PCSK2: variants seen among roughly 807,000 people sequenced by gnomAD.
PCSK2 encodes proprotein convertase subtilisin/kexin type 2, also known as neuroendocrine convertase 2.
A neutral mutation model predicts 69.7 loss-of-function variants in PCSK2; 14 were observed. The ratio of observed to expected loss-of-function variants is 0.20; its 90% CI spans 0.13 to 0.31. The LOEUF is 0.31. Ranked by LOEUF, PCSK2 falls within the 10% of genes least tolerant of loss-of-function variation. The pLI, the probability that PCSK2 is intolerant of heterozygous loss-of-function variation, is 1.00. For missense variants in PCSK2, 544 were observed against 842.5 expected, an observed-to-expected ratio of 0.65 and a Z score of 4.39; for synonymous variants, 307 against 320.7, an observed-to-expected ratio of 0.96 and a Z score of 0.46.
At chr20:17,398,837 G>C (rs1169701390) in intron 5 of PCSK2, among the ~76,000 whole-genome samples, 1 of 151,816 alleles carries the variant, frequency 6.6e-6, no homozygotes, top group Non-Finnish European at 1.5e-5. Flanking sequence ...TCAAGTATTT[G>C]TATTTCTAAA....
intron 2 of PCSK2, among the ~76,000 whole-genome samples, chr20:17,302,274 T>C (rs1479861906): frequency 6.6e-6 from 1 of 152,218 alleles, no homozygotes; most frequent in Non-Finnish European, 1.5e-5. Flanking sequence ...CCAACCCATG[T>C]CAGTTTCTAT....
chr20:17,464,633 T>C (rs1260309481), intron 10 of PCSK2: 1 of 152,286 alleles, frequency 6.6e-6, no homozygotes, highest in Non-Finnish European at 1.5e-5. Context: ...TTTTATATTT[T>C]AAACAGATGG....
intron 6 of PCSK2, among the ~76,000 whole-genome samples, chr20:17,424,102 T>C (rs775851092): frequency 6.6e-6 from 1 of 152,198 alleles, no homozygotes; most frequent in South Asian, 2.1e-4. Context: ...AGAATGTTTC[T>C]TTTCAAATTA....
intron 1 of PCSK2, among the ~76,000 whole-genome samples, chr20:17,237,345 C>T (rs543693232): frequency 5.3e-5 from 8 of 152,176 alleles, no homozygotes; most frequent in Non-Finnish European, 2.9e-5. Flanking sequence ...TGTTCACATA[C>T]ACCTCATTCA....
intron 11 of PCSK2, among the ~76,000 whole-genome samples, chr20:17,467,375 TC>T (rs2033121089): frequency 6.6e-6 from 1 of 152,144 alleles, no homozygotes; most frequent in African/African-American, 2.4e-5. Context: ...GAAAATAAAT[TC>T]ATGCTGAAAT....
At position 17,429,473 on chromosome 20, in the gene PCSK2, CCAA is replaced by C. The variant is rs772098136; in HGVS notation, c.666_668del (p.Asn223del). On this transcript the variant is annotated inframe_deletion, in exon 7 of 12. Transcript: ENST00000262545. ...TGTGCAGGAGAAGTTTCTGCTGCCGCCAACAACAATATCTGTGGAGTTGGAGTA... is the reference window on the plus strand; with the variant it reads ...TGTGCAGGAGAAGTTTCTGCTGCCGCCAACAATATCTGTGGAGTTGGAGTA... The C allele has an allele frequency of 1.9e-6, 3 of 1,613,890 alleles. No homozygotes were observed. The highest frequency in any genetic ancestry group is 1.7e-6 in the Non-Finnish European group (2 of 1,179,914).
At chr20:17,319,923 C>T (rs534214534) in intron 2 of PCSK2, among the ~76,000 whole-genome samples, 1 of 152,180 alleles carries the variant, frequency 6.6e-6, no homozygotes, top group African/African-American at 2.4e-5. Flanking sequence ...AAGGTATTGG[C>T]AAGCATCTGG....
chr20:17,393,366 G>A (rs1027676003), intron 5 of PCSK2, among the ~76,000 whole-genome samples: 3 of 151,902 alleles, frequency 2.0e-5, no homozygotes, highest in African/African-American at 7.3e-5. Context: ...AAAATTCTGA[G>A]TATTTTTCCA....
intron 5 of PCSK2, among the ~76,000 whole-genome samples, chr20:17,374,395 T>C (rs559016815): frequency 3.3e-5 from 5 of 152,120 alleles, no homozygotes; most frequent in Non-Finnish European, 7.4e-5. Context: ...TTCAAGAACA[T>C]GTGGAGTGTG....
chr20:17,386,766 T>C (rs2031245691), intron 5 of PCSK2, among the ~76,000 whole-genome samples: 5 of 152,210 alleles, frequency 3.3e-5, no homozygotes, highest in African/African-American at 2.4e-5. Flanking sequence ...GCTAAGATGA[T>C]GAATTTTATG....
chr20:17,391,906 G>GAGGAAGGAAAGAAGGAAGGA, intron 5 of PCSK2, among the ~76,000 whole-genome samples: 1 of 100,010 alleles, frequency 1.0e-5, no homozygotes, highest in African/African-American at 3.9e-5. Context: ...GAAAGAGAGA[G>GAGGAAGGAAAGAAGGAAGGA]AGGAAGGAAG....
intron 1 of PCSK2, among the ~76,000 whole-genome samples, chr20:17,232,766 G>A (rs1449028112): frequency 2.0e-5 from 3 of 152,064 alleles, no homozygotes; most frequent in Non-Finnish European, 4.4e-5. Flanking sequence ...AAGTTCTTTA[G>A]ATCAAAATTG....
chr20:17,363,052 G>A (rs1202419301), intron 4 of PCSK2, among the ~76,000 whole-genome samples: 1 of 152,248 alleles, frequency 6.6e-6, no homozygotes, highest in Non-Finnish European at 1.5e-5. Context: ...TTCTTGGCAA[G>A]ATATTCCAAA....
intron 2 of PCSK2, among the ~76,000 whole-genome samples, chr20:17,326,585 T>C (rs1454238411): frequency 2.0e-5 from 3 of 152,242 alleles, no homozygotes; most frequent in African/African-American, 7.2e-5. Flanking sequence ...ATGGCGACTC[T>C]GTGCTTTCAA....
intron 4 of PCSK2, among the ~76,000 whole-genome samples, chr20:17,368,176 A>C (rs921557278): frequency 6.6e-6 from 1 of 152,200 alleles, no homozygotes; most frequent in South Asian, 2.1e-4. Context: ...CATGCAGTGA[A>C]GATAGCAGCC....
chr20:17,245,099 A>G (rs1722961339), intron 1 of PCSK2, among the ~76,000 whole-genome samples: 1 of 152,126 alleles, frequency 6.6e-6, no homozygotes, highest in Non-Finnish European at 1.5e-5. Context: ...TCCCAAATAG[A>G]GACAGTTTCC....
intron 2 of PCSK2, among the ~76,000 whole-genome samples, chr20:17,332,235 G>A (rs1990225086): frequency 6.6e-6 from 1 of 152,146 alleles, no homozygotes; most frequent in Non-Finnish European, 1.5e-5. Flanking sequence ...GGATGGCTTT[G>A]AGCCCAAGGG....
In PCSK2 at chr20:17,481,641, G is replaced by A. The variant is rs201759407; in HGVS notation, c.1488G>A (p.Gly496=). ...CACTCACAACCGACGCCTGTGAGGGGAAGGAAAATTTTGTCCGCTACCTGG... is the reference window on the plus strand; with the variant it reads ...CACTCACAACCGACGCCTGTGAGGGAAAGGAAAATTTTGTCCGCTACCTGG... ...VLTLTTDACE[G]KENFVRYLEH... Residue 496 remains glycine (G), a synonymous_variant, in exon 12 of 12, where the codon GGG becomes GGA. Coordinates refer to ENST00000262545, the MANE Select transcript of PCSK2 (RefSeq NM_002594.5). The A allele has an allele frequency of 1.4e-5, 23 of 1,614,082 alleles. No homozygotes were observed. Among genetic ancestry groups the A allele is most frequent in the Non-Finnish European group, 1.9e-5 (23 of 1,180,020 alleles).
Position 17,428,219 on chromosome 20 carries a change from C to A in PCSK2, c.621-1216C>A, listed in dbSNP as rs62202661. On this transcript the variant is annotated intron_variant, in intron 6 of 11. Transcript: ENST00000262545. ...TGGTTCACATACACTTGTCCTCCAG[C>A]CTTTGGTGAACTGTTTTAGGACAGG... Among the ~76,000 whole-genome samples the A allele has an allele frequency of 4.0e-4, 61 of 152,168 alleles. 1 individual carries two copies. The highest frequency in any genetic ancestry group is 6.5e-4 in the Admixed American group (10 of 15,268).
Sources: gnomAD v4.1 joint callset for allele counts (sites outside exome capture counted in the v4.1 genomes callset) on GRCh38, gnomAD v4.1.1 for gene constraint, MANE v1.5 for transcripts, NCBI Gene and HGNC (gene_info 2026-07-23, HGNC 2026-07-21) for gene names.